The following SBF2 variants were observed in gnomAD, a reference collection of about 807,000 sequenced individuals.
The protein encoded by SBF2 is SET binding factor 2, also known as myotubularin-related protein 13.
A neutral mutation model predicts 225.2 loss-of-function variants in SBF2; 112 were observed. The ratio of observed to expected loss-of-function variants is 0.50; its 90% CI spans 0.43 to 0.58. The LOEUF (loss-of-function observed/expected upper bound fraction) is 0.58, where lower values mean the gene tolerates loss of function less well. Ranked by LOEUF, SBF2 falls within the 20% of genes least tolerant of loss-of-function variation. The pLI, the probability that SBF2 is intolerant of heterozygous loss-of-function variation, is 0.00. For synonymous variants in SBF2, 763 were observed against 773.3 expected, an observed-to-expected ratio of 0.99 and a Z score of 0.22; for missense variants, 1,996 against 2,206.2, an observed-to-expected ratio of 0.90 and a Z score of 1.91.
intron 6 of SBF2, among the ~76,000 whole-genome samples, chr11:10,012,684 G>A (rs1341170119): frequency 6.6e-6 from 1 of 151,948 alleles, no homozygotes; most frequent in Non-Finnish European, 1.5e-5. Context: ...CTGAGTATGG[G>A]TTACACTTCA....
intron 24 of SBF2, among the ~76,000 whole-genome samples, chr11:9,845,025 G>T (rs1856439241): frequency 6.6e-6 from 1 of 151,840 alleles, no homozygotes; most frequent in South Asian, 2.1e-4. Flanking sequence ...AACTCAAATG[G>T]CTCAAAAAAA....
At chr11:10,077,581 C>CA (rs1951171027) in intron 2 of SBF2, among the ~76,000 whole-genome samples, 1 of 152,148 alleles carries the variant, frequency 6.6e-6, no homozygotes. Context: ...ACTGGCAAGC[C>CA]ATATGCAGAA....
At chr11:10,215,017 G>A (rs1478496890) in intron 1 of SBF2, among the ~76,000 whole-genome samples, 1 of 152,138 alleles carries the variant, frequency 6.6e-6, no homozygotes, top group African/African-American at 2.4e-5. Context: ...CACAAAAGCT[G>A]GTACCATCAG....
At chr11:10,241,968 C>A (rs1049839264) in intron 1 of SBF2, among the ~76,000 whole-genome samples, 1 of 151,700 alleles carries the variant, frequency 6.6e-6, no homozygotes, top group African/African-American at 2.4e-5. Flanking sequence ...CAGACCACAC[C>A]ACCAGACTGA....
chr11:9,909,014 G>A (rs1166544378), intron 16 of SBF2, among the ~76,000 whole-genome samples: 1 of 151,998 alleles, frequency 6.6e-6, no homozygotes, highest in African/African-American at 2.4e-5. Context: ...TTAAAATTAT[G>A]TATACTGCAT....
intron 16 of SBF2, among the ~76,000 whole-genome samples, chr11:9,935,762 A>C (rs1346777216): frequency 4.6e-5 from 7 of 152,242 alleles, no homozygotes. Context: ...ATATGTAGAA[A>C]GCTGAAACTG....
At chr11:9,797,955 AGAGT>A (rs1306469075) in intron 32 of SBF2, among the ~76,000 whole-genome samples, 1 of 152,186 alleles carries the variant, frequency 6.6e-6, no homozygotes, top group Non-Finnish European at 1.5e-5. Context: ...CCTGGGTGAC[AGAGT>A]GAGACCCTGT....
intron 16 of SBF2, among the ~76,000 whole-genome samples, chr11:9,955,917 T>C (rs777070514): frequency 3.9e-5 from 6 of 152,134 alleles, no homozygotes; most frequent in Non-Finnish European, 7.4e-5. Flanking sequence ...AGATTAAATA[T>C]CCTTAAATAG....
At chr11:10,288,670 ACAGTGGGAAGCTCCTCT>A (rs1963955616) in intron 1 of SBF2, among the ~76,000 whole-genome samples, 1 of 152,092 alleles carries the variant, frequency 6.6e-6, no homozygotes, top group African/African-American at 2.4e-5. Flanking sequence ...AGGAGGCCCT[ACAGTGGGAAGCTCCTCT>A]CTTTAGGCAG....
intron 2 of SBF2, among the ~76,000 whole-genome samples, chr11:10,056,955 C>A (rs1389771192): frequency 6.6e-6 from 1 of 152,152 alleles, no homozygotes; most frequent in African/African-American, 2.4e-5. Flanking sequence ...CAATCCCGTT[C>A]CTCCTCACTG....
At chr11:9,971,756 A>T (rs994447173) in intron 13 of SBF2, among the ~76,000 whole-genome samples, 2 of 152,190 alleles carry the variant, frequency 1.3e-5, no homozygotes, top group Non-Finnish European at 2.9e-5. Flanking sequence ...TGGTCCTATA[A>T]TTTGGTAAGT....
At chr11:10,196,866 A>ATATATATAT in intron 1 of SBF2, among the ~76,000 whole-genome samples, 19 of 99,306 alleles carry the variant, frequency 1.9e-4, no homozygotes, top group Admixed American at 5.2e-4. Context: ...ATATATATAT[A>ATATATATAT]TTTTTTTTTT....
rs754526864 is a variant in SBF2 at position 9,924,589 on chromosome 11, G to GC, written c.1861-28579dup. Reference sequence around the variant, plus strand: ...TGGGATTACAGGCATGCACCACCCCGCCCCGCTAATTTTTGTATTTTTAGT... The same window carrying GC: ...TGGGATTACAGGCATGCACCACCCCGCCCCCGCTAATTTTTGTATTTTTAGT... On this transcript the variant is annotated intron_variant, in intron 16 of 39. Transcript: ENST00000256190. 1.3e-4 allele frequency among the ~76,000 whole-genome samples: 19 copies of GC among 151,946 alleles called. 2 individuals are homozygous for GC. The highest frequency in any genetic ancestry group is 7.9e-4 in the Admixed American group (12 of 15,274).
intron 1 of SBF2, among the ~76,000 whole-genome samples, chr11:10,245,449 A>G (rs1959689423): frequency 6.6e-6 from 1 of 152,068 alleles, no homozygotes; most frequent in Non-Finnish European, 1.5e-5. Flanking sequence ...ACAAAATGAG[A>G]TATCACCTTA....
At chr11:10,169,687 T>G (rs1315544214) in intron 2 of SBF2, among the ~76,000 whole-genome samples, 1 of 152,208 alleles carries the variant, frequency 6.6e-6, no homozygotes, top group African/African-American at 2.4e-5. Flanking sequence ...TTCTTTTGGG[T>G]ATATGCCTAG....
chr11:9,982,275 G>A (rs1436288218), intron 13 of SBF2, among the ~76,000 whole-genome samples: 1 of 152,174 alleles, frequency 6.6e-6, no homozygotes, highest in Non-Finnish European at 1.5e-5. Context: ...TGTCTGAGGT[G>A]GTTCTGGTCT....
At chr11:10,072,926 C>T (rs912025323) in intron 2 of SBF2, among the ~76,000 whole-genome samples, 3 of 145,162 alleles carry the variant, frequency 2.1e-5, no homozygotes, top group Middle Eastern at 3.5e-3. Context: ...TCATCATCAT[C>T]ATCATTATTT....
intron 29 of SBF2, among the ~76,000 whole-genome samples, chr11:9,815,830 C>A (rs753938320): frequency 2.0e-5 from 3 of 152,152 alleles, no homozygotes; most frequent in Non-Finnish European, 4.4e-5. Flanking sequence ...CATTACCCAG[C>A]AGTTTTATGC....
At chr11:10,261,430 T>C (rs1225495890) in intron 1 of SBF2, among the ~76,000 whole-genome samples, 2 of 152,170 alleles carry the variant, frequency 1.3e-5, no homozygotes, top group Non-Finnish European at 2.9e-5. Flanking sequence ...CTGAAACTCC[T>C]AGGCTCAGGT....
Sources: gnomAD v4.1 joint callset for allele counts (sites outside exome capture counted in the v4.1 genomes callset) on GRCh38, gnomAD v4.1.1 for gene constraint, MANE v1.5 for transcripts, NCBI Gene and HGNC (gene_info 2026-07-23, HGNC 2026-07-21) for gene names.